Variants in DAB1 observed in about 807,000 individuals in gnomAD.
The protein encoded by DAB1 is disabled homolog 1.
DAB1 carries 15 observed loss-of-function variants against 64.6 expected under a neutral mutation model. The ratio of observed to expected loss-of-function variants is 0.23; its 90% CI spans 0.16 to 0.36. DAB1 has a LOEUF of 0.36. Ranked by LOEUF, DAB1 falls within the 10% of genes least tolerant of loss-of-function variation. The pLI, the probability that DAB1 is intolerant of heterozygous loss-of-function variation, is 1.00. For missense variants in DAB1, 596 were observed against 706.7 expected (o/e 0.84, Z 1.78); for synonymous variants, 235 against 251.9 (o/e 0.93, Z 0.64).
chr1:57,571,728 G>C (rs1184674927), intron 7 of DAB1, among the ~76,000 whole-genome samples: 9 of 152,158 alleles, frequency 5.9e-5, no homozygotes, highest in Non-Finnish European at 1.0e-4. Flanking sequence ...AAATAGCAGG[G>C]GAAAGCTGAG....
At chr1:57,429,981 G>A (rs1570509824) in intron 7 of DAB1, among the ~76,000 whole-genome samples, 1 of 152,058 alleles carries the variant, frequency 6.6e-6, no homozygotes, top group East Asian at 1.9e-4. Context: ...GTCTTTTGTG[G>A]TTCCATATAC....
intron 7 of DAB1, among the ~76,000 whole-genome samples, chr1:57,471,185 A>C (rs72909297): frequency 0.064 from 9,708 of 152,214 alleles, 969 homozygotes; most frequent in African/African-American, 0.21. Context: ...TTCTAAACAA[A>C]GATCAGCAAG....
chr1:57,756,420 G>C (rs1037320365), intron 6 of DAB1, among the ~76,000 whole-genome samples: 10 of 152,138 alleles, frequency 6.6e-5, no homozygotes, highest in Non-Finnish European at 1.2e-4. Flanking sequence ...GTAAAGCAAG[G>C]TTAGAGTGCC....
intron 2 of DAB1, among the ~76,000 whole-genome samples, chr1:57,194,847 G>T (rs1345448182): frequency 6.6e-6 from 1 of 152,174 alleles, no homozygotes; most frequent in Non-Finnish European, 1.5e-5. Flanking sequence ...CACAGCCATT[G>T]CTGGCCACAG....
intron 6 of DAB1, among the ~76,000 whole-genome samples, chr1:57,690,318 C>A (rs189057377): frequency 6.6e-6 from 1 of 152,110 alleles, no homozygotes; most frequent in East Asian, 1.9e-4. Context: ...AAATTGTAAT[C>A]CCCTATGTCA....
At chr1:58,429,948 T>C (rs1203353029) in intron 3 of DAB1, among the ~76,000 whole-genome samples, 2 of 152,230 alleles carry the variant, frequency 1.3e-5, no homozygotes, top group East Asian at 3.8e-4. Context: ...TTCTTGTTCA[T>C]AGGCCCCACA....
intron 9 of DAB1, among the ~76,000 whole-genome samples, chr1:57,047,407 A>G (rs1648646439): frequency 6.6e-6 from 1 of 152,106 alleles, no homozygotes; most frequent in Admixed American, 6.6e-5. Flanking sequence ...TTAGGAGGTA[A>G]TTAGGGCTAG....
At chr1:57,542,237 A>C (rs1260464911) in intron 7 of DAB1, among the ~76,000 whole-genome samples, 1 of 152,030 alleles carries the variant, frequency 6.6e-6, no homozygotes, top group Non-Finnish European at 1.5e-5. Context: ...CACTCAGTAC[A>C]CAGCCAGAAC....
Position 57,368,246 on chromosome 1 carries a change from C to T in DAB1, c.-137+55684G>A, listed in dbSNP as rs2161805. Among the ~76,000 whole-genome samples, 99 of 152,326 alleles carry T rather than the reference C, an allele frequency of 6.5e-4. 1 individual carries two copies. The South Asian group carries it at 0.017, about 26-fold the overall frequency. The stretch of plus-strand genomic sequence containing the variant: ...TGCTGGCCTGCAGGGGGCCCCTTGG[C>T]ACCTACAGCCTGGGTGCCATGAACG... On this transcript the variant is annotated intron_variant, in intron 1 of 14. Transcript: ENST00000371236.
chr1:58,539,390 C>T (rs2100493664), intron 1 of DAB1: 1 of 666,896 alleles, frequency 1.5e-6, no homozygotes, highest in Non-Finnish European at 2.5e-6. Flanking sequence ...ATTAAATAGG[C>T]GTGTCAGTTG....
intron 7 of DAB1, among the ~76,000 whole-genome samples, chr1:57,434,558 A>G (rs1448115804): frequency 3.9e-5 from 6 of 152,252 alleles, no homozygotes; most frequent in Admixed American, 2.6e-4. Context: ...AGTGTTGGTT[A>G]TACAAGCAAA....
intron 5 of DAB1, among the ~76,000 whole-genome samples, chr1:57,915,657 C>T (rs1644716116): frequency 6.6e-6 from 1 of 152,148 alleles, no homozygotes; most frequent in East Asian, 1.9e-4. Flanking sequence ...AAAAGCCCCA[C>T]TCAGGATAGA....
At chr1:58,384,216 A>G (rs1385514637) in intron 3 of DAB1, among the ~76,000 whole-genome samples, 1 of 152,220 alleles carries the variant, frequency 6.6e-6, no homozygotes, top group Non-Finnish European at 1.5e-5. Context: ...TAAAAAAAAG[A>G]AAATCCTACC....
chr1:58,185,575 T>C (rs1657030112), intron 4 of DAB1, among the ~76,000 whole-genome samples: 1 of 152,148 alleles, frequency 6.6e-6, no homozygotes. Flanking sequence ...TTTTGTTTTG[T>C]TTTTAAAGAC....
chr1:57,401,034 A>T (rs1194476412), intron 1 of DAB1, among the ~76,000 whole-genome samples: 1 of 152,020 alleles, frequency 6.6e-6, no homozygotes, highest in Non-Finnish European at 1.5e-5. Flanking sequence ...ACCACCAAAA[A>T]GGCCATATTT....
chr1:57,766,591 G>C (rs1271529190), intron 6 of DAB1, among the ~76,000 whole-genome samples: 2 of 152,112 alleles, frequency 1.3e-5, no homozygotes, highest in Non-Finnish European at 2.9e-5. Flanking sequence ...TGCTGGAGCT[G>C]CTTTTACTTA....
upstream of DAB1, among the ~76,000 whole-genome samples, chr1:57,888,446 T>C (rs550567049): frequency 2.6e-5 from 4 of 152,336 alleles, no homozygotes; most frequent in South Asian, 8.3e-4. Context: ...GTCATTAGTT[T>C]TGGTCTCTTT....
At chr1:58,520,649 T>G (rs984904001) in intron 2 of DAB1, among the ~76,000 whole-genome samples, 1 of 151,968 alleles carries the variant, frequency 6.6e-6, no homozygotes, top group Admixed American at 6.6e-5. Flanking sequence ...AAGCACTAAC[T>G]GAAAGAAAGC....
At chr1:57,426,164 GC>G (rs1685277473), upstream of DAB1, among the ~76,000 whole-genome samples, 1 of 152,172 alleles carries the variant, frequency 6.6e-6, no homozygotes, top group Non-Finnish European at 1.5e-5. Flanking sequence ...TATAAAACCT[GC>G]CGCCTTCACC....
Sources: allele counts gnomAD v4.1 joint callset (sites outside exome capture counted in the v4.1 genomes callset), GRCh38; gene constraint gnomAD v4.1.1; transcripts MANE v1.5; gene names NCBI Gene and HGNC (gene_info 2026-07-23, HGNC 2026-07-21).